Variants in ROBO2 observed in about 807,000 individuals in gnomAD.
ROBO2 encodes roundabout guidance receptor 2.
In ROBO2, 53 loss-of-function variants were observed where a neutral mutation model predicts 160.8. The ratio of observed to expected loss-of-function variants is 0.33; its 90% CI spans 0.26 to 0.41. The LOEUF (loss-of-function observed/expected upper bound fraction) is 0.41, where lower values mean the gene tolerates loss of function less well. Among genes scored for constraint, ROBO2 ranks in the 10% least tolerant of loss-of-function variants. The pLI is 1.00. For synonymous variants in ROBO2, 664 were observed against 611.7 expected (o/e 1.09, Z -1.26); for missense variants, 1,577 against 1,722.4 (o/e 0.92, Z 1.49).
chr3:76,492,968 T>C (rs1315080302), intron 2 of ROBO2, among the ~76,000 whole-genome samples: 1 of 152,188 alleles, frequency 6.6e-6, no homozygotes, highest in African/African-American at 2.4e-5. Flanking sequence ...CATTATGTTT[T>C]TAAAATAATT....
intron 2 of ROBO2, among the ~76,000 whole-genome samples, chr3:76,797,494 TAA>T (rs1232435035): frequency 1.3e-5 from 2 of 150,764 alleles, no homozygotes; most frequent in African/African-American, 2.4e-5. Flanking sequence ...TACAAAACCT[TAA>T]AATAAACAAC....
chr3:77,067,691 T>C (rs1055519611), intron 1 of ROBO2, among the ~76,000 whole-genome samples: 7 of 152,158 alleles, frequency 4.6e-5, no homozygotes, highest in African/African-American at 7.2e-5. Context: ...GTCACATGTT[T>C]TCTACTGATA....
chr3:76,500,844 A>G (rs888087414), intron 2 of ROBO2, among the ~76,000 whole-genome samples: 2 of 152,180 alleles, frequency 1.3e-5, no homozygotes, highest in Non-Finnish European at 2.9e-5. Context: ...AAACAGTATC[A>G]TTTTTTAATA....
chr3:76,866,019 G>A (rs1435997004), intron 2 of ROBO2, among the ~76,000 whole-genome samples: 1 of 152,034 alleles, frequency 6.6e-6, no homozygotes. Flanking sequence ...AGCCTTACCA[G>A]CCAAATTACA....
chr3:76,172,039 T>C (rs1427854080), intron 2 of ROBO2, among the ~76,000 whole-genome samples: 2 of 152,148 alleles, frequency 1.3e-5, no homozygotes, highest in African/African-American at 4.8e-5. Flanking sequence ...TCCTAAGTTT[T>C]TCATATAATG....
intron 2 of ROBO2, among the ~76,000 whole-genome samples, chr3:77,353,542 T>G (rs7433438): frequency 0.35 from 53,679 of 151,838 alleles, 9,888 homozygotes; most frequent in Non-Finnish European, 0.39. Context: ...ATGGAGTCTC[T>G]CTCTGTTGCC....
intron 2 of ROBO2, among the ~76,000 whole-genome samples, chr3:76,166,752 CTT>C (rs2106959425): frequency 6.6e-6 from 1 of 152,188 alleles, no homozygotes; most frequent in South Asian, 2.1e-4. Context: ...ATTTTTGACT[CTT>C]GTTTTAAGGA....
At chr3:76,587,807 T>C (rs987349594) in intron 2 of ROBO2, among the ~76,000 whole-genome samples, 7 of 152,212 alleles carry the variant, frequency 4.6e-5, no homozygotes, top group African/African-American at 7.2e-5. Flanking sequence ...ACAGTCTTTA[T>C]TTTACACTCT....
intron 2 of ROBO2, among the ~76,000 whole-genome samples, chr3:76,148,978 G>T (rs2072033903): frequency 6.6e-6 from 1 of 151,864 alleles, no homozygotes; most frequent in African/African-American, 2.4e-5. Flanking sequence ...ATCTCTCTCA[G>T]TCCTGAGCTC....
intron 2 of ROBO2, among the ~76,000 whole-genome samples, chr3:77,397,031 T>C (rs1390672272): frequency 6.6e-6 from 1 of 152,116 alleles, no homozygotes. Context: ...TTTAAAGGTG[T>C]CACATCTGAA....
chr3:77,233,492 G>A (rs1218874254), intron 2 of ROBO2, among the ~76,000 whole-genome samples: 3 of 152,094 alleles, frequency 2.0e-5, no homozygotes, highest in Non-Finnish European at 4.4e-5. Flanking sequence ...AGAAGAGAAG[G>A]CCTGCCCATC....
chr3:76,608,440 C>T (rs1448082470), intron 2 of ROBO2, among the ~76,000 whole-genome samples: 4 of 152,164 alleles, frequency 2.6e-5, no homozygotes, highest in South Asian at 2.1e-4. Flanking sequence ...CCTCATGTTT[C>T]GCCATACACT....
intron 2 of ROBO2, among the ~76,000 whole-genome samples, chr3:76,814,202 G>A (rs2065463958): frequency 6.6e-6 from 1 of 152,116 alleles, no homozygotes; most frequent in South Asian, 2.1e-4. Context: ...AAAATAGACT[G>A]ACTGTTTCAA....
intron 2 of ROBO2, among the ~76,000 whole-genome samples, chr3:76,510,353 G>A (rs112457038): frequency 6.6e-6 from 1 of 152,304 alleles, no homozygotes; most frequent in African/African-American, 2.4e-5. Flanking sequence ...TGGCGTTAGA[G>A]TGACCACCAT....
At chr3:76,903,103 T>A (rs1448790219) in intron 2 of ROBO2, among the ~76,000 whole-genome samples, 1 of 152,096 alleles carries the variant, frequency 6.6e-6, no homozygotes, top group Non-Finnish European at 1.5e-5. Context: ...TACAGTTTTC[T>A]TATTGATTAA....
intron 2 of ROBO2, among the ~76,000 whole-genome samples, chr3:76,268,619 C>A (rs1400235): frequency 0.086 from 13,113 of 152,074 alleles, 980 homozygotes; most frequent in African/African-American, 0.19. Context: ...AGGCTCCCAC[C>A]GTTAAGACCT....
chr3:75,976,862 G>A (rs1475192438), intron 2 of ROBO2, among the ~76,000 whole-genome samples: 4 of 151,454 alleles, frequency 2.6e-5, no homozygotes, highest in African/African-American at 9.7e-5. Context: ...TCTGTGGAAA[G>A]GGTTACTCCA....
chr3:76,558,626 T>G (rs2083960572), intron 2 of ROBO2, among the ~76,000 whole-genome samples: 1 of 152,108 alleles, frequency 6.6e-6, no homozygotes, highest in Admixed American at 6.6e-5. Context: ...TCCTCAGGGT[T>G]TTTTTAGATG....
intron 2 of ROBO2, among the ~76,000 whole-genome samples, chr3:77,419,094 A>G (rs776897559): frequency 2.0e-5 from 3 of 152,086 alleles, no homozygotes; most frequent in Non-Finnish European, 4.4e-5. Context: ...GAAAAATAAT[A>G]GTTTCTCACT....
Sources: gnomAD v4.1 joint callset for allele counts (sites outside exome capture counted in the v4.1 genomes callset) on GRCh38, gnomAD v4.1.1 for gene constraint, MANE v1.5 for transcripts, NCBI Gene and HGNC (gene_info 2026-07-23, HGNC 2026-07-21) for gene names.